Variants in LYPD6B observed in about 807,000 individuals in gnomAD.
LYPD6B encodes LY6/PLAUR domain containing 6B, also known as ly6/PLAUR domain-containing protein 6B.
Under a neutral mutation model 22.8 loss-of-function variants are expected in LYPD6B, and 17 were observed. The ratio of observed to expected loss-of-function variants is 0.75; its 90% CI spans 0.51 to 1.12. The LOEUF (loss-of-function observed/expected upper bound fraction) is 1.12. LYPD6B is among the 50% of genes most tolerant of loss of function. The pLI is 0.00. For missense variants in LYPD6B, 221 were observed against 258.3 expected, an observed-to-expected ratio of 0.86 and a Z score of 0.99; for synonymous variants, 106 against 91.6, an observed-to-expected ratio of 1.16 and a Z score of -0.90.
At chr2:149,050,580 C>T (rs1165885690) in intron 1 of LYPD6B, among the ~76,000 whole-genome samples, 2 of 152,148 alleles carry the variant, frequency 1.3e-5, no homozygotes, top group Non-Finnish European at 2.9e-5. Context: ...AGTTTTTAGG[C>T]AACTACAGGA....
At chr2:149,183,847 A>ATGTG (rs781704283) in intron 3 of LYPD6B, among the ~76,000 whole-genome samples, 48 of 140,050 alleles carry the variant, frequency 3.4e-4, no homozygotes, top group African/African-American at 1.1e-3. Context: ...GTGTATGTGT[A>ATGTG]TGTGTGTGTG....
intron 2 of LYPD6B, among the ~76,000 whole-genome samples, chr2:149,145,477 T>C (rs900021147): frequency 2.6e-5 from 4 of 152,078 alleles, no homozygotes; most frequent in African/African-American, 9.7e-5. Context: ...GAAGATACGG[T>C]GAACACACTG....
chr2:149,169,268 C>T (rs1463133498), intron 3 of LYPD6B, among the ~76,000 whole-genome samples: 1 of 152,046 alleles, frequency 6.6e-6, no homozygotes, highest in Non-Finnish European at 1.5e-5. Flanking sequence ...GTCTCTTCCC[C>T]AAAACAGGCA....
At chr2:149,087,979 A>G (rs1685476292) in intron 1 of LYPD6B, among the ~76,000 whole-genome samples, 1 of 152,154 alleles carries the variant, frequency 6.6e-6, no homozygotes. Context: ...CTTTGCAGGT[A>G]AAGAATTTAG....
intron 1 of LYPD6B, among the ~76,000 whole-genome samples, chr2:149,053,775 A>G (rs75244521): frequency 0.012 from 1,786 of 152,038 alleles, 13 homozygotes; most frequent in Middle Eastern, 0.041. Context: ...CCACTACTCC[A>G]CTTTCTGTCT....
chr2:149,109,000 A>G (rs1048192883), intron 1 of LYPD6B, among the ~76,000 whole-genome samples: 2 of 152,048 alleles, frequency 1.3e-5, no homozygotes, highest in Non-Finnish European at 2.9e-5. Context: ...TTGTCATCAT[A>G]TATTTTACTT....
chr2:149,130,847 A>C (rs1172263525), intron 1 of LYPD6B, 36 bp from the exon 2 acceptor site: 2 of 859,426 alleles, frequency 2.3e-6, no homozygotes, highest in South Asian at 2.8e-5. Context: ...CTATAATATC[A>C]GTCATAATGA....
chr2:149,161,872 C>G (rs894514994), intron 3 of LYPD6B, among the ~76,000 whole-genome samples: 1 of 152,176 alleles, frequency 6.6e-6, no homozygotes, highest in African/African-American at 2.4e-5. Context: ...TGTAAAATAT[C>G]TACTAAGATG....
In LYPD6B at chr2:149,211,103, G is replaced by C. The variant is rs184233831; in HGVS notation, c.329-1889G>C. On this transcript the variant is annotated intron_variant, in intron 5 of 6. Coordinates refer to ENST00000409642, the MANE Select transcript of LYPD6B (RefSeq NM_177964.5). ...TGGTTGCAGGAGCAAGAAAGAGAGG[G>C]GGGAGGTGCTACACAGTTTTAGACA... Among the ~76,000 whole-genome samples, 752 of 152,182 alleles carry C rather than the reference G, an allele frequency of 4.9e-3. 6 individuals carry two copies. The highest frequency in any genetic ancestry group is 0.01 in the South Asian group (50 of 4,818).
rs778127627 is a variant in LYPD6B at position 149,051,325 on chromosome 2, C to T, written c.-67+12524C>T. ...GACTACAGGCACCTGCCACCACGCCCGGCTAATTTTTTCTATTTTTTAGTA... is the reference window on the plus strand; with the variant it reads ...GACTACAGGCACCTGCCACCACGCCTGGCTAATTTTTTCTATTTTTTAGTA... On this transcript the variant is annotated intron_variant, in intron 1 of 6. Coordinates refer to ENST00000409642, the MANE Select transcript of LYPD6B (RefSeq NM_177964.5). Among the ~76,000 whole-genome samples the T allele has an allele frequency of 2.1e-4, 32 of 151,956 alleles. 1 individual carries two copies. The highest frequency in any genetic ancestry group is 1.4e-3 in the Admixed American group (22 of 15,258).
intron 2 of LYPD6B, chr2:149,143,997 A>G (rs1688857525): frequency 6.6e-6 from 1 of 152,292 alleles, no homozygotes; most frequent in African/African-American, 2.4e-5. Flanking sequence ...AGATGAGATC[A>G]GTTCAAACTG....
At chr2:149,065,032 G>A (rs1337870994) in intron 1 of LYPD6B, among the ~76,000 whole-genome samples, 3 of 152,162 alleles carry the variant, frequency 2.0e-5, no homozygotes, top group African/African-American at 4.8e-5. Flanking sequence ...AGAGGACTGC[G>A]ATGTGTCTGA....
chr2:149,187,591 G>A lies in LYPD6B; in HGVS notation c.78-17662G>A, dbSNP rs1436120982. 6.6e-5 allele frequency: 87 copies of A among 1,328,060 alleles called. No homozygotes were observed. The East Asian group carries it at 2.1e-3, about 31-fold the overall frequency. 82.3% of individuals were successfully genotyped at this position (1,328,060 alleles called of 1,614,324 possible). On this transcript the variant is annotated intron_variant, in intron 3 of 6. Transcript: ENST00000409642. ...AAGCCTGACACATTGTAGGTGCCCC[G>A]TAAATATTGGTTGAGTAACTGAATA...
intron 3 of LYPD6B, among the ~76,000 whole-genome samples, chr2:149,167,782 C>G (rs1384992706): frequency 6.6e-6 from 1 of 152,118 alleles, no homozygotes; most frequent in Non-Finnish European, 1.5e-5. Context: ...GGTTTTATGA[C>G]CAGTGTTGCA....
intron 1 of LYPD6B, among the ~76,000 whole-genome samples, chr2:149,087,019 A>G (rs79835662): frequency 8.0e-6 from 1 of 124,990 alleles, no homozygotes; most frequent in African/African-American, 2.7e-5. Flanking sequence ...TTTTTTTTTT[A>G]AAAAAACCCT....
At chr2:149,057,561 G>A (rs1410737827) in intron 1 of LYPD6B, among the ~76,000 whole-genome samples, 4 of 152,030 alleles carry the variant, frequency 2.6e-5, no homozygotes, top group African/African-American at 7.2e-5. Context: ...TAAGCGGTTT[G>A]TAAAGTCCCC....
chr2:149,156,501 C>T (rs1206303348), intron 2 of LYPD6B, among the ~76,000 whole-genome samples: 1 of 152,174 alleles, frequency 6.6e-6, no homozygotes, highest in African/African-American at 2.4e-5. Flanking sequence ...TCTCACACTT[C>T]TGGAGGCTGG....
intron 3 of LYPD6B, among the ~76,000 whole-genome samples, chr2:149,191,426 C>T (rs1692482178): frequency 1.3e-5 from 2 of 152,008 alleles, no homozygotes. Context: ...TCACTTGTCC[C>T]AACTCAACTT....
At chr2:149,187,406 A>G (rs771576703) in intron 3 of LYPD6B, 2 of 1,514,262 alleles carry the variant, frequency 1.3e-6, no homozygotes, top group South Asian at 1.3e-5. Context: ...TACAATTGTT[A>G]TAAGATTATT....
Sources: allele counts gnomAD v4.1 joint callset (sites outside exome capture counted in the v4.1 genomes callset), GRCh38; gene constraint gnomAD v4.1.1; transcripts MANE v1.5; gene names NCBI Gene and HGNC (gene_info 2026-07-23, HGNC 2026-07-21).